RNF216: variants seen among roughly 807,000 people sequenced by gnomAD.
RNF216 encodes ring finger protein 216.
Under a neutral mutation model 110.8 loss-of-function variants are expected in RNF216, and 72 were observed. The observed-to-expected ratio is 0.65, with a 90% CI of 0.54 to 0.79. RNF216 has a LOEUF of 0.79. Among genes scored for constraint, RNF216 ranks in the 30% least tolerant of loss-of-function variants. RNF216 has a pLI of 0.00. For missense variants in RNF216, 1,342 were observed against 1,141.2 expected, an observed-to-expected ratio of 1.18 and a Z score of -2.54; for synonymous variants, 495 against 407.5, an observed-to-expected ratio of 1.21 and a Z score of -2.59.
rs1786599203 is a variant in RNF216 at position 5,624,681 on chromosome 7, G to C, written c.2383-556C>G. ...GCGACAGTGAGGATGGTCCCCCTCG[G>C]ACCTTGCCGTCTCTTCTCCCAAACC... On this transcript the variant is annotated intron_variant, in intron 15 of 16. Coordinates refer to ENST00000389902, the MANE Select transcript of RNF216 (RefSeq NM_207111.4). This position sits in a 1 kb window ranked among gnomAD's most constrained non-coding sequence, Gnocchi z 4.4. 6.6e-6 allele frequency among the ~76,000 whole-genome samples: 1 copy of C among 152,224 alleles called. No homozygotes were observed. Among genetic ancestry groups the C allele is most frequent in the African/African-American group, 2.4e-5 (1 of 41,458 alleles).
chr7:5,637,993 G>A (rs911526410), intron 15 of RNF216, among the ~76,000 whole-genome samples: 3 of 152,102 alleles, frequency 2.0e-5, no homozygotes, highest in Admixed American at 6.5e-5. Context: ...GGCCCTCCCC[G>A]CAACAACCTG....
chr7:5,678,279 C>T (rs1790433166), intron 13 of RNF216, among the ~76,000 whole-genome samples: 2 of 152,210 alleles, frequency 1.3e-5, no homozygotes, highest in Admixed American at 6.5e-5. Flanking sequence ...ATTTTACTGC[C>T]ATCTACAAGA....
intron 13 of RNF216, among the ~76,000 whole-genome samples, chr7:5,691,265 G>A (rs546122568): frequency 1.3e-5 from 2 of 152,338 alleles, no homozygotes; most frequent in African/African-American, 4.8e-5. Context: ...CGGGCCGACG[G>A]CAGCATTTGA....
intron 1 of RNF216, among the ~76,000 whole-genome samples, chr7:5,772,607 G>C (rs1796554680): frequency 6.6e-6 from 1 of 151,990 alleles, no homozygotes; most frequent in South Asian, 2.1e-4. Flanking sequence ...CCAGATCGGG[G>C]CTTCTCATTA....
Position 5,752,930 on chromosome 7 carries a change from A to C in RNF216, c.117T>G (p.Asp39Glu), listed in dbSNP as rs974404861. ...TGACCAGCATTGGAATCCTTTCCTCATCTGAGGAGTCAGATATGGTGATGG... is the reference window on the plus strand; with the variant it reads ...TGACCAGCATTGGAATCCTTTCCTCCTCTGAGGAGTCAGATATGGTGATGG... ...DGPITISDSS[D>E]EERIPMLVTP... Residue 39 changes from aspartate to glutamate, a missense_variant, in exon 3 of 17, where the codon GAT becomes GAG. Transcript: ENST00000389902. The C allele has an allele frequency of 6.2e-7, 1 of 1,612,028 alleles. No individual in the cohort carries two copies. The highest frequency in any genetic ancestry group is 8.5e-7 in the Non-Finnish European group (1 of 1,179,160).
rs1786485381 is a variant in RNF216 at position 5,623,065 on chromosome 7, G to C, written c.2567C>G (p.Pro856Arg). 6.2e-7 allele frequency: 1 copy of C among 1,613,470 alleles called. No homozygotes were observed. The highest frequency in any genetic ancestry group is 1.3e-5 in the African/African-American group (1 of 75,024). ...GAAGGGTGGGTGCGCGAAGGCATAG[G>C]GTGGCATCTGTGGCTGTGGCAGGTT... ...PQNLPQPQMP[P>R]YAFAHPPFPL... The change falls in exon 17 of 17, where the codon CCC (proline) becomes CGC (arginine). Residue 856 changes from proline to arginine, a missense_variant. Transcript: ENST00000389902.
In RNF216 at chr7:5,709,080, G is replaced by A. The variant is rs948659022; in HGVS notation, c.2061+2681C>T. 2.6e-5 allele frequency among the ~76,000 whole-genome samples: 4 copies of A among 152,068 alleles called. 1 individual carries two copies. The highest frequency in any genetic ancestry group is 5.9e-5 in the Non-Finnish European group (4 of 68,012). ...CAGACTCCAGAAAACCTAGAATGCT[G>A]GACTCATGCTCCAACTCCTTCCCTC... On this transcript the variant is annotated intron_variant, in intron 13 of 16. Coordinates refer to ENST00000389902, the MANE Select transcript of RNF216 (RefSeq NM_207111.4).
intron 13 of RNF216, among the ~76,000 whole-genome samples, chr7:5,658,654 CAA>C (rs753036691): frequency 0.035 from 2,646 of 74,856 alleles, 70 homozygotes; most frequent in African/African-American, 0.1. Flanking sequence ...GAGACTGTCT[CAA>C]AAAAAAAAAA....
chr7:5,656,407 C>T (rs994851839), intron 13 of RNF216, among the ~76,000 whole-genome samples: 6 of 152,228 alleles, frequency 3.9e-5, no homozygotes, highest in Admixed American at 3.9e-4. Flanking sequence ...GCAAAGTACA[C>T]TTTGACGAGT....
At position 5,696,389 on chromosome 7, in the gene RNF216, G is replaced by A. The variant is rs1791629246; in HGVS notation, c.2061+15372C>T. Among the ~76,000 whole-genome samples the A allele has an allele frequency of 6.6e-6, 1 of 152,096 alleles. No individual in the cohort carries two copies. The highest frequency in any genetic ancestry group is 1.5e-5 in the Non-Finnish European group (1 of 68,016). On this transcript the variant is annotated intron_variant, in intron 13 of 16. Transcript: ENST00000389902. The surrounding 1 kb of genome is among the most constrained non-coding windows in gnomAD (Gnocchi z 5.4). ...GAAAACAAGCCTTTTTAAATGACTG[G>A]GAAAAAACTTGTGAAGGTTACATGG... is the stretch of plus-strand genomic sequence containing the variant.
intron 3 of RNF216, 71 bp downstream of exon 3, chr7:5,752,775 C>T: frequency 6.5e-7 from 1 of 1,539,810 alleles, no homozygotes; most frequent in African/African-American, 1.4e-5. Flanking sequence ...CAACAAGGCC[C>T]ACAAGAGTGG....
chr7:5,754,989 C>T (rs1297661355), intron 2 of RNF216, among the ~76,000 whole-genome samples: 1 of 143,184 alleles, frequency 7.0e-6, no homozygotes, highest in African/African-American at 2.5e-5. Flanking sequence ...GATCATGCCA[C>T]TGCACTCCAG....
At chr7:5,627,865 G>C (rs58145592) in intron 15 of RNF216, among the ~76,000 whole-genome samples, 9,838 of 152,172 alleles carry the variant, frequency 0.065, 1,054 homozygotes, top group African/African-American at 0.22. Flanking sequence ...CTGTGGCACT[G>C]CTGAGGCTGA....
chr7:5,656,320 C>A (rs1788739126), intron 13 of RNF216, among the ~76,000 whole-genome samples: 1 of 152,198 alleles, frequency 6.6e-6, no homozygotes, highest in South Asian at 2.1e-4. Flanking sequence ...TGCGCCCAGA[C>A]TCTTGCATGT....
Position 5,624,192 on chromosome 7 carries a change from T to C in RNF216, c.2383-67A>G. 1 of 1,368,694 alleles carries C rather than the reference T, an allele frequency of 7.3e-7. No homozygotes were observed. The highest frequency in any genetic ancestry group is 1.0e-6 in the Non-Finnish European group (1 of 974,686). The allele number at this position is 1,368,694 out of a possible 1,614,324, so 84.8% of individuals were successfully genotyped here. A position where few individuals can be genotyped will look rare whatever the true frequency, so the allele number is the denominator to read the frequency against. On this transcript the variant is annotated intron_variant, in intron 15 of 16. Transcript: ENST00000389902. This position sits in a 1 kb window ranked among gnomAD's most constrained non-coding sequence, Gnocchi z 4.4. ...GCAGTGCTGAGGCCCCGTGGGACAG[T>C]GAGGAGGCCGCTTGTTGCTTATGGC...
chr7:5,746,111 T>C (rs1232726131), intron 3 of RNF216, among the ~76,000 whole-genome samples: 2 of 152,180 alleles, frequency 1.3e-5, no homozygotes, highest in African/African-American at 2.4e-5. Context: ...CTCCCTTTTT[T>C]GGGAAGTAAC....
chr7:5,692,015 C>G (rs1394311046), intron 13 of RNF216, among the ~76,000 whole-genome samples: 1 of 152,180 alleles, frequency 6.6e-6, no homozygotes, highest in Non-Finnish European at 1.5e-5. Context: ...CTACAAATCT[C>G]CATGTTTTCA....
rs181536210 is a variant in RNF216, at chr7:5,733,349, A to G, written c.1122-2532T>C. On this transcript the variant is annotated intron_variant, in intron 5 of 16. Coordinates refer to ENST00000389902, the MANE Select transcript of RNF216 (RefSeq NM_207111.4). ...ACAGAGGGTCAGCAAGTCCCTAAAA[A>G]TAAGTACACGTGTGAGACTCAGGAA... Among the ~76,000 whole-genome samples, 3 of 152,340 alleles carry G rather than the reference A, an allele frequency of 2.0e-5. No individual in the cohort carries two copies. In the East Asian group the frequency reaches 5.8e-4, roughly 29 times the overall value.
intron 8 of RNF216, among the ~76,000 whole-genome samples, 156 bp from the exon 9 acceptor site, chr7:5,721,328 C>G (rs1584510396): frequency 6.6e-6 from 1 of 152,214 alleles, no homozygotes; most frequent in African/African-American, 2.4e-5. Context: ...GAAGACTGGG[C>G]TTCTTACCAT....
Sources: allele counts gnomAD v4.1 joint callset (sites outside exome capture counted in the v4.1 genomes callset), GRCh38; gene constraint gnomAD v4.1.1; non-coding constraint Gnocchi (gnomAD v3.1); transcripts MANE v1.5; gene names NCBI Gene and HGNC (gene_info 2026-07-23, HGNC 2026-07-21).